Variants in ZFAT observed in about 807,000 individuals in gnomAD.
The protein encoded by ZFAT is zinc finger and AT-hook domain containing.
Under a neutral mutation model 117.7 loss-of-function variants are expected in ZFAT, and 64 were observed. The observed-to-expected ratio is 0.54, with a 90% confidence interval of 0.44 to 0.67. ZFAT has a LOEUF of 0.67. Among genes scored for constraint, ZFAT ranks in the 30% least tolerant of loss-of-function variants. ZFAT has a pLI of 0.00. For missense variants in ZFAT, 1,433 were observed against 1,584.5 expected (o/e 0.90, Z 1.62); for synonymous variants, 679 against 615.0 (o/e 1.10, Z -1.54).
At chr8:134,483,809 G>C (rs1817481270) in intron 15 of ZFAT, among the ~76,000 whole-genome samples, 1 of 152,198 alleles carries the variant, frequency 6.6e-6, no homozygotes, top group Admixed American at 6.5e-5. Flanking sequence ...ACTTTGCTGG[G>C]CTCTCTTCGT....
At chr8:134,556,842 G>A (rs1228120994) in intron 11 of ZFAT, among the ~76,000 whole-genome samples, 11 of 151,946 alleles carry the variant, frequency 7.2e-5, no homozygotes, top group Non-Finnish European at 1.0e-4. Context: ...CCAGATCTGC[G>A]GGGAGAAAAT....
chr8:134,713,959 G>C (rs1814146073), upstream of ZFAT, among the ~76,000 whole-genome samples: 1 of 152,040 alleles, frequency 6.6e-6, no homozygotes, highest in Non-Finnish European at 1.5e-5. Flanking sequence ...CATGAGTAAT[G>C]AGTTGATGTG....
At chr8:134,530,629 T>C (rs569000424) in intron 12 of ZFAT, among the ~76,000 whole-genome samples, 4 of 152,194 alleles carry the variant, frequency 2.6e-5, no homozygotes, top group South Asian at 2.1e-4. Context: ...GATAAACATA[T>C]ATACATACAT....
chr8:134,607,988 T>G (rs1586807186), intron 5 of ZFAT, among the ~76,000 whole-genome samples: 1 of 152,216 alleles, frequency 6.6e-6, no homozygotes, highest in Non-Finnish European at 1.5e-5. Context: ...CAGGAGGTCT[T>G]GAAGTATGGA....
intron 1 of ZFAT, among the ~76,000 whole-genome samples, chr8:134,667,893 C>T (rs1336167323): frequency 2.0e-5 from 3 of 152,152 alleles, no homozygotes; most frequent in Admixed American, 6.5e-5. Context: ...CCTGGAAAAT[C>T]GGGTCACTCC....
chr8:134,790,763 G>GT, the ZFAT span, among the ~76,000 whole-genome samples: 1 of 151,838 alleles, frequency 6.6e-6, no homozygotes, highest in Admixed American at 6.6e-5. Context: ...GACTGTAATC[G>GT]TAACACTTTG....
At chr8:134,537,854 G>A (rs372270604) in intron 11 of ZFAT, among the ~76,000 whole-genome samples, 23 of 152,324 alleles carry the variant, frequency 1.5e-4, no homozygotes, top group African/African-American at 5.3e-4. Flanking sequence ...CCTGATGGCT[G>A]GGATGATGTG....
At chr8:134,754,046 A>G in the ZFAT span, among the ~76,000 whole-genome samples, 1 of 152,212 alleles carries the variant, frequency 6.6e-6, no homozygotes, top group African/African-American at 2.4e-5. Context: ...TTTGGGGTCA[A>G]TATAGTGGAA....
At chr8:134,743,453 C>T in the ZFAT span, among the ~76,000 whole-genome samples, 5 of 152,036 alleles carry the variant, frequency 3.3e-5, no homozygotes, top group Admixed American at 6.6e-5. Flanking sequence ...CACACCATTG[C>T]ACTCCAGCCT....
In ZFAT at chr8:134,484,100, G is replaced by T. The variant is rs143940098; in HGVS notation, c.3493-5379C>A. On this transcript the variant is annotated intron_variant, in intron 15 of 15. Coordinates refer to ENST00000377838, the MANE Select transcript of ZFAT (RefSeq NM_020863.4). ...AATCCCAGAAGTTCCTCTAGCTCAG[G>T]ACACCCTCCTTAAGGAAGGTGGGTC... 1.0e-3 allele frequency among the ~76,000 whole-genome samples: 155 copies of T among 152,148 alleles called. No individual in the cohort carries two copies. In the East Asian group the frequency reaches 0.026, roughly 26 times the overall value.
chr8:134,788,567 T>C, the ZFAT span, among the ~76,000 whole-genome samples: 1 of 152,126 alleles, frequency 6.6e-6, no homozygotes, highest in Non-Finnish European at 1.5e-5. Flanking sequence ...AAAATGTGAA[T>C]TATGTTTTTT....
chr8:134,566,466 T>G (rs1047658872), intron 10 of ZFAT, among the ~76,000 whole-genome samples: 1 of 151,538 alleles, frequency 6.6e-6, no homozygotes, highest in Non-Finnish European at 1.5e-5. Flanking sequence ...TAAAACAAAT[T>G]AATAGATATA....
chr8:134,650,127 CTTT>C (rs746564611), intron 2 of ZFAT, among the ~76,000 whole-genome samples: 1 of 143,834 alleles, frequency 7.0e-6, no homozygotes. Context: ...TATTTTTTTT[CTTT>C]TTTTTTTTTT....
chr8:134,576,008 G>A (rs769309989), intron 10 of ZFAT, among the ~76,000 whole-genome samples: 1 of 152,158 alleles, frequency 6.6e-6, no homozygotes, highest in Non-Finnish European at 1.5e-5. Context: ...GATATAAGGA[G>A]GGATGGATCA....
At chr8:134,676,678 T>C (rs539805790) in intron 1 of ZFAT, among the ~76,000 whole-genome samples, 49 of 152,290 alleles carry the variant, frequency 3.2e-4, no homozygotes, top group African/African-American at 1.1e-3. Flanking sequence ...TATTCTAAAA[T>C]TGACCACATA....
At chr8:134,689,768 A>C (rs949509976) in intron 1 of ZFAT, among the ~76,000 whole-genome samples, 3 of 152,200 alleles carry the variant, frequency 2.0e-5, no homozygotes, top group African/African-American at 7.2e-5. Flanking sequence ...CCTAGACTGG[A>C]GGACACGGAC....
At position 134,603,681 on chromosome 8, in the gene ZFAT, C is replaced by T. The variant is rs573750825; in HGVS notation, c.786-748G>A. On this transcript the variant is annotated intron_variant, in intron 5 of 15. Coordinates refer to ENST00000377838, the MANE Select transcript of ZFAT (RefSeq NM_020863.4). ...ACCTAAGTCACGAGCTGAGCTCTGC[C>T]TATTTCTGTTGAGGATGTGCCTGCC... 1.4e-3 allele frequency among the ~76,000 whole-genome samples: 211 copies of T among 152,284 alleles called. 1 individual carries two copies. The highest frequency in any genetic ancestry group is 4.8e-3 in the African/African-American group (200 of 41,552).
Position 134,590,291 on chromosome 8 carries a change from G to A in ZFAT, c.2540C>T (p.Ser847Leu). The change falls in exon 8 of 16, where the codon TCA becomes TTA. Residue 847 changes from serine (S) to leucine (L), a missense_variant. Ser to Leu is a moderately radical substitution (Grantham distance 145). Coordinates refer to ENST00000377838, the MANE Select transcript of ZFAT (RefSeq NM_020863.4). ...ACCAGGATGGTTGGTCTTGATATGTGACTTTATCAATCGATCCTCTGAAAA... is the reference window on the plus strand; with the variant it reads ...ACCAGGATGGTTGGTCTTGATATGTAACTTTATCAATCGATCCTCTGAAAA... ...KSFSEDRLIK[S>L]HIKTNHPEVS... is the part of the protein sequence containing the mutation. 6.2e-7 allele frequency: 1 copy of A among 1,613,184 alleles called. No individual in the cohort carries two copies. The highest frequency in any genetic ancestry group is 1.7e-4 in the Middle Eastern group (1 of 6,054).
At chr8:134,713,595 CTTT>C (rs1249421625), upstream of ZFAT, among the ~76,000 whole-genome samples, 1 of 152,132 alleles carries the variant, frequency 6.6e-6, no homozygotes, top group Non-Finnish European at 1.5e-5. Context: ...TCTCTCGTCT[CTTT>C]TTGTCCCACA....
Sources: allele counts gnomAD v4.1 joint callset (sites outside exome capture counted in the v4.1 genomes callset), GRCh38; gene constraint gnomAD v4.1.1; transcripts MANE v1.5; gene names NCBI Gene and HGNC (gene_info 2026-07-23, HGNC 2026-07-21).